SLIT2: variants seen among roughly 807,000 people sequenced by gnomAD.
SLIT2 encodes slit guidance ligand 2.
In SLIT2, 41 loss-of-function variants were observed where a neutral mutation model predicts 185.7. The observed-to-expected ratio is 0.22, with a 90% confidence interval of 0.17 to 0.29. SLIT2 has a LOEUF of 0.29. Ranked by LOEUF, SLIT2 falls within the 10% of genes least tolerant of loss-of-function variation. The pLI is 1.00. For missense variants in SLIT2, 1,571 were observed against 1,909.0 expected (o/e 0.82, Z 3.30); for synonymous variants, 693 against 680.2 (o/e 1.02, Z -0.29).
rs200462791 is a variant in SLIT2, at chr4:20,589,778, G to C, written c.3182+41G>C. On this transcript the variant is annotated intron_variant, in intron 30 of 36. Transcript: ENST00000504154. Reference sequence around the variant, plus strand: ...CCTTTTTGCTCACAGTCAGGGTAGGGGACCCATTATTTTAGGAGCCCTTCT... The same window carrying C: ...CCTTTTTGCTCACAGTCAGGGTAGGCGACCCATTATTTTAGGAGCCCTTCT... The C allele has an allele frequency of 4.8e-6, 7 of 1,462,044 alleles. No homozygotes were observed. In the Admixed American group the frequency reaches 8.9e-5, roughly 18 times the overall value. 90.6% of individuals were successfully genotyped at this position (1,462,044 alleles called of 1,614,324 possible).
chr4:20,474,411 A>T (rs974295677), intron 5 of SLIT2, among the ~76,000 whole-genome samples: 1 of 151,956 alleles, frequency 6.6e-6, no homozygotes, highest in Non-Finnish European at 1.5e-5. Context: ...GCTACCAATA[A>T]CCTCTCCATC....
Position 20,472,540 on chromosome 4 carries a change from CTATATCTATATATA to C in SLIT2, c.467+4718_467+4731del, listed in dbSNP as rs1715541015. The stretch of plus-strand genomic sequence containing the variant: ...GATATATATCTATATATAGATATAT[CTATATCTATATATA>C]GATATATATCTATATATAGATATAT... On this transcript the variant is annotated intron_variant, in intron 5 of 36. Transcript: ENST00000504154. Among the ~76,000 whole-genome samples, 5 of 9,494 alleles carry C rather than the reference CTATATCTATATATA, an allele frequency of 5.3e-4. 2 individuals carry two copies. The South Asian group carries it at 0.014, about 27-fold the overall frequency. The allele number at this position is 9,494 out of a possible 152,430, so 6.2% of individuals were successfully genotyped here.
intron 9 of SLIT2, among the ~76,000 whole-genome samples, chr4:20,504,000 A>G (rs1253397096): frequency 5.9e-5 from 9 of 152,340 alleles, no homozygotes; most frequent in African/African-American, 1.9e-4. Context: ...AACTGCAATT[A>G]TAAAACAAAT....
intron 4 of SLIT2, among the ~76,000 whole-genome samples, chr4:20,391,071 T>A (rs1032477277): frequency 1.3e-5 from 2 of 152,086 alleles, no homozygotes; most frequent in Non-Finnish European, 2.9e-5. Flanking sequence ...GCATACAAGT[T>A]GCTTTTATCA....
At chr4:20,506,562 T>C (rs1719223822) in intron 9 of SLIT2, among the ~76,000 whole-genome samples, 1 of 152,030 alleles carries the variant, frequency 6.6e-6, no homozygotes, top group Admixed American at 6.6e-5. Flanking sequence ...CTTTATTTTT[T>C]ATAATCTGAT....
intron 4 of SLIT2, among the ~76,000 whole-genome samples, chr4:20,389,532 T>TG (rs200285062): frequency 1.7e-4 from 25 of 149,332 alleles, no homozygotes; most frequent in Admixed American, 2.7e-4. Flanking sequence ...AGTTGTTATG[T>TG]GTTTTTTTTT....
rs144886788 is a variant in SLIT2 at position 20,381,959 on chromosome 4, A to G, written c.396-85793A>G. ...TATGCATAAATACAAAACTGTATTT[A>G]TTTATACATAAATACAAAACTCCTT... On this transcript the variant is annotated intron_variant, in intron 4 of 36. Coordinates refer to ENST00000504154, the MANE Select transcript of SLIT2 (RefSeq NM_004787.4). Among the ~76,000 whole-genome samples, 151 of 151,798 alleles carry G rather than the reference A, an allele frequency of 9.9e-4. 1 individual carries two copies. Among genetic ancestry groups the G allele is most frequent in the Non-Finnish European group, 1.8e-3 (121 of 67,994 alleles).
At chr4:20,569,041 A>T in intron 29 of SLIT2, 37 bp downstream of exon 29, 1 of 1,578,364 alleles carries the variant, frequency 6.3e-7, no homozygotes, top group Non-Finnish European at 8.7e-7. Context: ...TTCCATCAGT[A>T]TATCTGTTTG....
chr4:20,545,458 C>CATATAT lies in SLIT2; in HGVS notation c.2277-558_2277-553dup, dbSNP rs3836701. ...TATGGTTATTTGATTATTGCTGTTA[C>CATATAT]ATATATATATATATATATATTTATA... is the stretch of plus-strand genomic sequence containing the variant. On this transcript the variant is annotated intron_variant, in intron 21 of 36. Transcript: ENST00000504154. Among the ~76,000 whole-genome samples, 229 of 147,990 alleles carry CATATAT rather than the reference C, an allele frequency of 1.5e-3. 2 individuals are homozygous for CATATAT. Among genetic ancestry groups the CATATAT allele is most frequent in the South Asian group, 0.014 (66 of 4,696 alleles).
At position 20,252,489 on chromosome 4, in the gene SLIT2, G is replaced by C. The variant is rs1251181670; in HGVS notation, c.-1327G>C. On this transcript the variant is annotated 5_prime_UTR_variant, in exon 1 of 37. Transcript: ENST00000504154. ...GCCGGGCGGCGTCGCCACGCCGGCA[G>C]GGGTACCGCCACTGTGGCCTTGGGG... 1.3e-5 allele frequency among the ~76,000 whole-genome samples: 2 copies of C among 152,216 alleles called. No homozygotes were observed. Among genetic ancestry groups the C allele is most frequent in the African/African-American group, 4.8e-5 (2 of 41,464 alleles).
At chr4:20,558,338 A>G (rs1007537914) in intron 26 of SLIT2, among the ~76,000 whole-genome samples, 1 of 152,012 alleles carries the variant, frequency 6.6e-6, no homozygotes, top group African/African-American at 2.4e-5. Context: ...TTCAGCAACC[A>G]TTACCCTGAT....
intron 4 of SLIT2, among the ~76,000 whole-genome samples, chr4:20,359,396 T>C (rs1722572585): frequency 2.0e-5 from 3 of 152,096 alleles, no homozygotes; most frequent in Non-Finnish European, 1.5e-5. Flanking sequence ...TTGCATGGCA[T>C]GAGAAGGTAT....
intron 4 of SLIT2, among the ~76,000 whole-genome samples, chr4:20,416,962 C>CTTT (rs33980142): frequency 7.1e-6 from 1 of 141,352 alleles, no homozygotes; most frequent in Non-Finnish European, 1.5e-5. Context: ...GCTATCAAAT[C>CTTT]TTTTTTTTTT....
intron 4 of SLIT2, among the ~76,000 whole-genome samples, chr4:20,422,515 A>T (rs1183832452): frequency 2.0e-5 from 3 of 152,204 alleles, no homozygotes; most frequent in Non-Finnish European, 2.9e-5. Flanking sequence ...CAAATGATGC[A>T]ATACAGGTCA....
At chr4:20,588,321 A>T (rs1055001014) in intron 29 of SLIT2, among the ~76,000 whole-genome samples, 4 of 152,248 alleles carry the variant, frequency 2.6e-5, no homozygotes, top group African/African-American at 9.6e-5. Context: ...ATCACGGGAA[A>T]AGACTCTTGA....
intron 15 of SLIT2, among the ~76,000 whole-genome samples, chr4:20,526,694 T>A (rs1035512637): frequency 6.6e-6 from 1 of 152,218 alleles, no homozygotes; most frequent in Non-Finnish European, 1.5e-5. Context: ...TTGGAAATTA[T>A]CTTTTATATC....
At chr4:20,274,974 G>A (rs1714017654) in intron 4 of SLIT2, among the ~76,000 whole-genome samples, 1 of 152,060 alleles carries the variant, frequency 6.6e-6, no homozygotes, top group Non-Finnish European at 1.5e-5. Context: ...AATGCCTAGA[G>A]AGTTCATTGA....
At chr4:20,459,586 A>G (rs1403786809) in intron 4 of SLIT2, among the ~76,000 whole-genome samples, 2 of 152,118 alleles carry the variant, frequency 1.3e-5, no homozygotes, top group Non-Finnish European at 2.9e-5. Context: ...AGTTCCCACC[A>G]TGATACAAAG....
chr4:20,567,296 C>T lies in SLIT2; in HGVS notation c.2760C>T (p.Asn920=). The part of the protein sequence containing the change: ...PVDVNILAKC[N]PCLSNPCKND... ...ATGTCAATATTCTAGCTAAGTGTAA[C>T]CCCTGCCTATCAAATCCGTGTAAAA... Residue 920 remains asparagine (N), a synonymous_variant, in exon 27 of 37, where the codon AAC becomes AAT. Coordinates refer to ENST00000504154, the MANE Select transcript of SLIT2 (RefSeq NM_004787.4). 2 of 1,612,138 alleles carry T rather than the reference C, an allele frequency of 1.2e-6. No homozygotes were observed. The highest frequency in any genetic ancestry group is 1.7e-6 in the Non-Finnish European group (2 of 1,178,764).
Sources: gnomAD v4.1 joint callset for allele counts (sites outside exome capture counted in the v4.1 genomes callset) on GRCh38, gnomAD v4.1.1 for gene constraint, MANE v1.5 for transcripts, NCBI Gene and HGNC (gene_info 2026-07-23, HGNC 2026-07-21) for gene names.